HPCAL1: variants seen among roughly 807,000 people sequenced by gnomAD.
The protein encoded by HPCAL1 is hippocalcin-like protein 1.
HPCAL1 carries 8 observed loss-of-function variants against 17.1 expected under a neutral mutation model. The observed-to-expected ratio is 0.47, with a 90% CI of 0.27 to 0.84. The LOEUF (loss-of-function observed/expected upper bound fraction) is 0.84, where lower values mean the gene tolerates loss of function less well. Among genes scored for constraint, HPCAL1 ranks in the 40% least tolerant of loss-of-function variants. The pLI, the probability that HPCAL1 is intolerant of heterozygous loss-of-function variation, is 0.13. For missense variants in HPCAL1, 165 were observed against 271.1 expected (o/e 0.61, Z 2.75); for synonymous variants, 112 against 111.4 (o/e 1.01, Z -0.03).
intron 1 of HPCAL1, among the ~76,000 whole-genome samples, chr2:10,379,430 C>T (rs1335146080): frequency 6.6e-6 from 1 of 151,690 alleles, no homozygotes; most frequent in African/African-American, 2.4e-5. Flanking sequence ...ACAGGCCTGG[C>T]TCCTTTTCTT....
At position 10,330,523 on chromosome 2, in the gene HPCAL1, C is replaced by T. The variant is rs1380158311; in HGVS notation, c.-111+27346C>T. Among the ~76,000 whole-genome samples the T allele has an allele frequency of 2.0e-5, 3 of 152,096 alleles. No homozygotes were observed. The highest frequency in any genetic ancestry group is 6.5e-5 in the Admixed American group (1 of 15,282). ...GAGGCTGATGTCTGAGACAGGGTGG[C>T]GGCAGGGTTGGTGTCACCCGAGGCC... is the stretch of plus-strand genomic sequence containing the variant. On this transcript the variant is annotated intron_variant, in intron 1 of 4. Coordinates refer to ENST00000307845, the MANE Select transcript of HPCAL1 (RefSeq NM_002149.4). This position sits in a 1 kb window ranked among gnomAD's most constrained non-coding sequence, Gnocchi z 4.2.
chr2:10,333,283 A>T (rs1040052328), intron 1 of HPCAL1, among the ~76,000 whole-genome samples: 1 of 152,126 alleles, frequency 6.6e-6, no homozygotes, highest in African/African-American at 2.4e-5. Context: ...TGAATTGTGG[A>T]TGTTTGTGTC....
intron 1 of HPCAL1, among the ~76,000 whole-genome samples, chr2:10,374,996 A>G (rs1292807232): frequency 6.6e-6 from 1 of 152,300 alleles, no homozygotes; most frequent in Non-Finnish European, 1.5e-5. Context: ...GGCCAGCCGC[A>G]GAGGAGTAGG....
intron 1 of HPCAL1, among the ~76,000 whole-genome samples, chr2:10,308,095 C>T (rs1414755585): frequency 6.6e-6 from 1 of 152,024 alleles, no homozygotes; most frequent in Admixed American, 6.5e-5. Flanking sequence ...AGGGGAGCTC[C>T]TACCCCAGTA....
At chr2:10,398,662 C>A (rs545604720) in intron 2 of HPCAL1, among the ~76,000 whole-genome samples, 1 of 152,192 alleles carries the variant, frequency 6.6e-6, no homozygotes, top group East Asian at 1.9e-4. Context: ...AAGTGAGCTC[C>A]CCACCCTCTG....
chr2:10,320,820 G>A (rs1471739395), intron 1 of HPCAL1, among the ~76,000 whole-genome samples: 1 of 152,164 alleles, frequency 6.6e-6, no homozygotes, highest in Non-Finnish European at 1.5e-5. Context: ...AATGATCTAG[G>A]CAGAAGACCT....
chr2:10,398,358 G>A (rs902016151), intron 2 of HPCAL1, among the ~76,000 whole-genome samples: 2 of 152,202 alleles, frequency 1.3e-5, no homozygotes, highest in Non-Finnish European at 2.9e-5. Context: ...CCCTAGACAC[G>A]GGAGATGCTC....
At chr2:10,422,576 T>G (rs1671132098) in intron 3 of HPCAL1, among the ~76,000 whole-genome samples, 1 of 152,180 alleles carries the variant, frequency 6.6e-6, no homozygotes, top group African/African-American at 2.4e-5. Flanking sequence ...TTTCAGGGAC[T>G]CAGTCTCTTT....
rs529990740 is a variant in HPCAL1, at chr2:10,359,171, G to A, written c.-110-37664G>A. ...TGAGGGGGAAAAGGGAACCTTTCCC[G>A]TTTCACAGCCACAGTTTCCTGCTGT... On this transcript the variant is annotated intron_variant, in intron 1 of 4. Transcript: ENST00000307845. The surrounding 1 kb of genome is among the most constrained non-coding windows in gnomAD (Gnocchi z 4.1). Among the ~76,000 whole-genome samples, 48 of 152,234 alleles carry A rather than the reference G, an allele frequency of 3.2e-4. No homozygotes were observed. Among genetic ancestry groups the A allele is most frequent in the Admixed American group, 5.9e-4 (9 of 15,294 alleles).
intron 1 of HPCAL1, among the ~76,000 whole-genome samples, chr2:10,361,532 T>C (rs1666526018): frequency 6.6e-6 from 1 of 152,168 alleles, no homozygotes; most frequent in Non-Finnish European, 1.5e-5. Context: ...TCTTTTAAAC[T>C]GATTTCCTCA....
At chr2:10,311,795 C>T (rs1662976974) in intron 1 of HPCAL1, among the ~76,000 whole-genome samples, 1 of 152,094 alleles carries the variant, frequency 6.6e-6, no homozygotes, top group African/African-American at 2.4e-5. Context: ...TATCCATCAC[C>T]TCACCATCAT....
At chr2:10,349,499 A>AGATC (rs56246436) in intron 1 of HPCAL1, among the ~76,000 whole-genome samples, 56,676 of 150,762 alleles carry the variant, frequency 0.38, 11,134 homozygotes, top group South Asian at 0.6. Context: ...TGAGGTCAGG[A>AGATC]GAGACCATCC....
At chr2:10,366,718 G>T (rs1287414436) in intron 1 of HPCAL1, among the ~76,000 whole-genome samples, 2 of 152,116 alleles carry the variant, frequency 1.3e-5, no homozygotes, top group Non-Finnish European at 2.9e-5. Flanking sequence ...ACCTGCCCCG[G>T]CTCCCCAGCC....
Position 10,419,464 on chromosome 2 carries a change from G to A in HPCAL1, c.-24-270G>A, listed in dbSNP as rs1010879414. The stretch of plus-strand genomic sequence containing the variant: ...GCACCGGATGATGCCCTGTTCCACT[G>A]ATTTTAAGTTGCATTTTCCCCCCCG... On this transcript the variant is annotated intron_variant, in intron 2 of 4. Coordinates refer to ENST00000307845, the MANE Select transcript of HPCAL1 (RefSeq NM_002149.4). This position sits in a 1 kb window ranked among gnomAD's most constrained non-coding sequence, Gnocchi z 5.0. Among the ~76,000 whole-genome samples, 4 of 152,084 alleles carry A rather than the reference G, an allele frequency of 2.6e-5. No individual in the cohort carries two copies. Among genetic ancestry groups the A allele is most frequent in the Non-Finnish European group, 4.4e-5 (3 of 68,036 alleles).
intron 1 of HPCAL1, among the ~76,000 whole-genome samples, chr2:10,361,004 G>A (rs559435237): frequency 6.7e-6 from 1 of 150,196 alleles, no homozygotes; most frequent in South Asian, 2.1e-4. Context: ...CCTTGCGTGT[G>A]CTGCGGGCTG....
At chr2:10,334,555 G>GTA (rs60595562) in intron 1 of HPCAL1, among the ~76,000 whole-genome samples, 27,113 of 151,138 alleles carry the variant, frequency 0.18, 2,784 homozygotes, top group African/African-American at 0.27. Flanking sequence ...CTCATAAATG[G>GTA]TATATATATA....
intron 1 of HPCAL1, among the ~76,000 whole-genome samples, chr2:10,357,197 C>A (rs1033131021): frequency 6.6e-6 from 1 of 152,186 alleles, no homozygotes; most frequent in Non-Finnish European, 1.5e-5. Flanking sequence ...TTTTGAGGAA[C>A]AGCCTCCTTT....
At chr2:10,410,596 G>A (rs1670299487) in intron 2 of HPCAL1, among the ~76,000 whole-genome samples, 1 of 151,960 alleles carries the variant, frequency 6.6e-6, no homozygotes. Flanking sequence ...TCAGACAGCT[G>A]TTACTAGTTT....
chr2:10,423,872 CA>C (rs1671230458), intron 4 of HPCAL1: 1 of 152,810 alleles, frequency 6.5e-6, no homozygotes, highest in East Asian at 1.9e-4. Context: ...GTGGGCAGAT[CA>C]CGAGGTCAGG....
Sources: gnomAD v4.1 joint callset for allele counts (sites outside exome capture counted in the v4.1 genomes callset) on GRCh38, gnomAD v4.1.1 for gene constraint, Gnocchi (gnomAD v3.1) non-coding constraint, MANE v1.5 for transcripts, NCBI Gene and HGNC (gene_info 2026-07-23, HGNC 2026-07-21) for gene names.